TVP23B: variants seen among roughly 807,000 people sequenced by gnomAD.
TVP23B encodes trans-golgi network vesicle protein 23 homolog B, also known as Golgi apparatus membrane protein TVP23 homolog B.
A neutral mutation model predicts 30.6 loss-of-function variants in TVP23B; 10 were observed. The ratio of observed to expected loss-of-function variants is 0.33; its 90% CI spans 0.20 to 0.55. TVP23B has a LOEUF of 0.55. Ranked by LOEUF, TVP23B falls within the 20% of genes least tolerant of loss-of-function variation. The pLI is 0.91. For missense variants in TVP23B, 153 were observed against 243.2 expected (o/e 0.63, Z 2.47); for synonymous variants, 67 against 83.1 (o/e 0.81, Z 1.06).
intron 4 of TVP23B, among the ~76,000 whole-genome samples, chr17:18,798,354 TC>T (rs934432603): frequency 1.5e-4 from 23 of 152,134 alleles, no homozygotes; most frequent in Admixed American, 1.4e-3. Context: ...CCTTGTAACT[TC>T]CTGGGTATTG....
intron 5 of TVP23B, among the ~76,000 whole-genome samples, chr17:18,801,493 G>C (rs1408698220): frequency 6.6e-6 from 1 of 152,186 alleles, no homozygotes; most frequent in African/African-American, 2.4e-5. Flanking sequence ...AGCTGGAGTT[G>C]CAGTGCTGGG....
intron 3 of TVP23B, among the ~76,000 whole-genome samples, chr17:18,795,082 GT>G (rs2036056881): frequency 1.5e-5 from 2 of 130,398 alleles, no homozygotes; most frequent in Admixed American, 1.9e-4. Context: ...CTGGAATGCA[GT>G]GGTGTGATCT....
At chr17:18,793,520 C>T (rs1465138221) in intron 3 of TVP23B, among the ~76,000 whole-genome samples, 2 of 146,768 alleles carry the variant, frequency 1.4e-5, no homozygotes, top group African/African-American at 2.5e-5. Flanking sequence ...GAGGCTGAGG[C>T]AGGAGGCGGA....
chr17:18,802,276 G>A (rs2036179880), intron 5 of TVP23B, among the ~76,000 whole-genome samples: 1 of 152,074 alleles, frequency 6.6e-6, no homozygotes, highest in Non-Finnish European at 1.5e-5. Context: ...CACAGGACGG[G>A]AATGGGCTTC....
Position 18,805,447 on chromosome 17 carries a change from A to G in TVP23B, c.592-94A>G, listed in dbSNP as rs969814978. On this transcript the variant is annotated intron_variant, in intron 6 of 6. Coordinates refer to ENST00000307767, the MANE Select transcript of TVP23B (RefSeq NM_016078.6). ...GTAAGGTAATGCTCTGCTTAGAAATATAGAATGTTTTCCTAGGCCTAGTCC... is the reference window on the plus strand; with the variant it reads ...GTAAGGTAATGCTCTGCTTAGAAATGTAGAATGTTTTCCTAGGCCTAGTCC... 16 of 1,568,636 alleles carry G rather than the reference A, an allele frequency of 1.0e-5. No individual in the cohort carries two copies. In the African/African-American group the frequency reaches 1.7e-4, roughly 16 times the overall value.
At chr17:18,800,332 CAT>C (rs1027535505) in intron 5 of TVP23B, among the ~76,000 whole-genome samples, 3 of 152,078 alleles carry the variant, frequency 2.0e-5, no homozygotes, top group African/African-American at 4.8e-5. Context: ...CTTTTGAAAA[CAT>C]ATTTCTTACT....
chr17:18,799,501 C>T (rs2036125331), intron 5 of TVP23B, among the ~76,000 whole-genome samples: 1 of 152,158 alleles, frequency 6.6e-6, no homozygotes, highest in Admixed American at 6.5e-5. Context: ...GTGGGGTGTT[C>T]TAGCTCGCAA....
chr17:18,795,858 TAATC>T (rs1441119339), intron 3 of TVP23B: 1 of 152,078 alleles, frequency 6.6e-6, no homozygotes, highest in African/African-American at 2.4e-5. Flanking sequence ...TATTTCTTAT[TAATC>T]TCTTACTGTG....
At chr17:18,798,735 A>T (rs2036113274) in intron 4 of TVP23B, 77 bp from the exon 5 acceptor site, 1 of 1,549,714 alleles carries the variant, frequency 6.5e-7, no homozygotes, top group East Asian at 2.3e-5. Flanking sequence ...TGTGGGTAAT[A>T]TGTTTTTTAT....
rs139167084 is a variant in TVP23B at position 18,804,733 on chromosome 17, C to T, written c.591+467C>T. ...CCTTATGAGTAGCTGGGATTACAGG[C>T]GCATGCCACCACGCCCAGCTAATTT... On this transcript the variant is annotated intron_variant, in intron 6 of 6. Coordinates refer to ENST00000307767, the MANE Select transcript of TVP23B (RefSeq NM_016078.6). 2.6e-3 allele frequency: 833 copies of T among 315,070 alleles called. 19 individuals carry two copies. In the East Asian group the frequency reaches 0.034, roughly 13 times the overall value. 19.5% of individuals were successfully genotyped at this position (315,070 alleles called of 1,614,324 possible).
intron 5 of TVP23B, among the ~76,000 whole-genome samples, chr17:18,800,457 G>A (rs1597623043): frequency 2.0e-5 from 3 of 152,136 alleles, no homozygotes; most frequent in East Asian, 3.8e-4. Flanking sequence ...TTTGACTCAT[G>A]TTTAAACATA....
At chr17:18,781,661 T>C (rs2035809885) in intron 1 of TVP23B, 3 of 348,718 alleles carry the variant, frequency 8.6e-6, no homozygotes, top group Non-Finnish European at 1.6e-5. Context: ...GGTGCGATGC[T>C]ATTTTGTAGG....
intron 3 of TVP23B, among the ~76,000 whole-genome samples, chr17:18,792,022 T>G (rs1420670857): frequency 1.3e-5 from 2 of 152,202 alleles, no homozygotes; most frequent in African/African-American, 4.8e-5. Flanking sequence ...AATGTAGCCA[T>G]TTTTAGATCT....
rs763650594 is a variant in TVP23B at position 18,798,863 on chromosome 17, T to C, written c.382T>C (p.Trp128Arg). ...GTCAGAGGCTGAATCAAGAATCTTT[T>C]GGTTGGGACTTATTGCCTGTCCAGT... is the stretch of plus-strand genomic sequence containing the variant. Reference protein sequence around the residue: ...TVSEAESRIFWLGLIACPVLW... With the variant: ...TVSEAESRIFRLGLIACPVLW... Residue 128 changes from tryptophan (W) to arginine (R), a missense_variant, in exon 5 of 7, where the codon TGG (tryptophan) becomes CGG (arginine). Physicochemically the swap from Trp to Arg is moderately radical, Grantham distance 101 (BLOSUM62 -3). Around this residue, in one of 3 missense-constraint regions of TVP23B, gnomAD observed 53 missense variants for 128.0 expected, o/e 0.41. Coordinates refer to ENST00000307767, the MANE Select transcript of TVP23B (RefSeq NM_016078.6). The C allele has an allele frequency of 3.1e-6, 5 of 1,613,828 alleles. No individual in the cohort carries two copies. In the South Asian group the frequency reaches 4.4e-5, roughly 14 times the overall value.
intron 3 of TVP23B, among the ~76,000 whole-genome samples, chr17:18,793,046 A>C (rs1010323597): frequency 6.6e-6 from 1 of 152,176 alleles, no homozygotes; most frequent in Non-Finnish European, 1.5e-5. Context: ...TTAAAAAAAA[A>C]ATCGCACACA....
chr17:18,784,111 C>T (rs894652313), intron 1 of TVP23B, among the ~76,000 whole-genome samples: 3 of 151,782 alleles, frequency 2.0e-5, no homozygotes, highest in Non-Finnish European at 2.9e-5. Flanking sequence ...CGCCACTGCA[C>T]TCCAGCCTGG....
chr17:18,781,479 A>C, intron 1 of TVP23B, 174 bp downstream of exon 1: 1 of 1,250,396 alleles, frequency 8.0e-7, no homozygotes, highest in Non-Finnish European at 1.1e-6. Context: ...GGGGGTTCTG[A>C]GGCCGCTGGG....
At chr17:18,785,532 G>A (rs886231474) in intron 1 of TVP23B, among the ~76,000 whole-genome samples, 2 of 152,012 alleles carry the variant, frequency 1.3e-5, no homozygotes, top group African/African-American at 2.4e-5. Flanking sequence ...TGAACCATAA[G>A]TGCAAAAGAA....
chr17:18,788,351 C>A (rs1026251167), intron 1 of TVP23B, among the ~76,000 whole-genome samples: 3 of 116,944 alleles, frequency 2.6e-5, no homozygotes, highest in Non-Finnish European at 3.8e-5. Flanking sequence ...AAAAAAAAAG[C>A]CTAAGGTTGT....
Sources: gnomAD v4.1 joint callset for allele counts (sites outside exome capture counted in the v4.1 genomes callset) on GRCh38, gnomAD v4.1.1 for gene constraint, gnomAD v4.1.1 regional missense constraint, MANE v1.5 for transcripts, NCBI Gene and HGNC (gene_info 2026-07-23, HGNC 2026-07-21) for gene names.